Variants in PLXNC1 observed in about 807,000 individuals in gnomAD.
PLXNC1 encodes plexin-C1.
Under a neutral mutation model 178.2 loss-of-function variants are expected in PLXNC1, and 75 were observed. The observed-to-expected ratio is 0.42, with a 90% CI of 0.35 to 0.51. The LOEUF is 0.51. Ranked by LOEUF, PLXNC1 falls within the 20% of genes least tolerant of loss-of-function variation. PLXNC1 has a pLI of 0.02. For synonymous variants in PLXNC1, 790 were observed against 779.9 expected (o/e 1.01, Z -0.22); for missense variants, 1,503 against 1,984.4 (o/e 0.76, Z 4.61).
chr12:94,198,206 A>G (rs919322077), intron 4 of PLXNC1, among the ~76,000 whole-genome samples: 7 of 152,226 alleles, frequency 4.6e-5, no homozygotes, highest in Non-Finnish European at 7.3e-5. Flanking sequence ...AGCAGCCATG[A>G]AAAGGAATGA....
intron 4 of PLXNC1, among the ~76,000 whole-genome samples, chr12:94,206,671 C>T (rs548704502): frequency 9.9e-5 from 15 of 152,228 alleles, no homozygotes; most frequent in African/African-American, 3.4e-4. Context: ...GATAGATCCT[C>T]AGTAGAGGAT....
intron 3 of PLXNC1, among the ~76,000 whole-genome samples, chr12:94,183,909 A>G (rs1962415499): frequency 6.6e-6 from 1 of 152,216 alleles, no homozygotes; most frequent in Non-Finnish European, 1.5e-5. Flanking sequence ...CTGAGCAAAT[A>G]TAACGCCTAA....
chr12:94,297,345 T>C lies in PLXNC1; in HGVS notation c.3996T>C (p.Asp1332=). The part of the protein sequence containing the change: ...LILPDSEAFQ[D]VQGKRHRGKH... ...TACCAGATTCGGAAGCATTCCAAGA[T>C]GTGCAAGGAAAGAGACATCGAGGGA... Residue 1332 remains aspartate (D), a synonymous_variant, in exon 26 of 31, where the codon GAT becomes GAC. Transcript: ENST00000258526. 1 of 1,614,056 alleles carries C rather than the reference T, an allele frequency of 6.2e-7. No individual in the cohort carries two copies. The highest frequency in any genetic ancestry group is 1.7e-5 in the Admixed American group (1 of 60,020).
chr12:94,294,044 T>A (rs1565868997), intron 23 of PLXNC1, among the ~76,000 whole-genome samples: 1 of 152,302 alleles, frequency 6.6e-6, no homozygotes, highest in East Asian at 1.9e-4. Flanking sequence ...AACATAGGAA[T>A]CTGGAGGAGA....
At chr12:94,168,588 A>G (rs1592726878) in intron 1 of PLXNC1, among the ~76,000 whole-genome samples, 1 of 152,030 alleles carries the variant, frequency 6.6e-6, no homozygotes, top group African/African-American at 2.4e-5. Flanking sequence ...GATCCTACCC[A>G]TCGTCCACAA....
intron 9 of PLXNC1, among the ~76,000 whole-genome samples, chr12:94,236,980 T>C (rs1222378809): frequency 1.3e-5 from 2 of 152,210 alleles, no homozygotes; most frequent in Non-Finnish European, 2.9e-5. Flanking sequence ...CTATATGGTA[T>C]GAAGCTAGGT....
chr12:94,186,152 C>T (rs1592744723), intron 3 of PLXNC1: 7 of 443,346 alleles, frequency 1.6e-5, no homozygotes, highest in East Asian at 3.6e-5. Context: ...AGAGTCTCTG[C>T]GGCAGAGGCC....
At chr12:94,171,250 C>T (rs942189418) in intron 2 of PLXNC1, among the ~76,000 whole-genome samples, 3 of 152,248 alleles carry the variant, frequency 2.0e-5, no homozygotes, top group South Asian at 2.1e-4. Flanking sequence ...AGGCCGCAGC[C>T]GACCGAAGTC....
intron 9 of PLXNC1, among the ~76,000 whole-genome samples, chr12:94,227,828 G>C (rs745659068): frequency 6.6e-6 from 1 of 152,218 alleles, no homozygotes; most frequent in Non-Finnish European, 1.5e-5. Context: ...TGTTTGAAAA[G>C]AGGGGACATG....
At chr12:94,254,286 C>G (rs17301517) in intron 15 of PLXNC1, among the ~76,000 whole-genome samples, 1 of 152,204 alleles carries the variant, frequency 6.6e-6, no homozygotes, top group Non-Finnish European at 1.5e-5. Context: ...TTCCTTGTGG[C>G]TCGCTCATCA....
chr12:94,221,735 T>C (rs955177878), intron 6 of PLXNC1, among the ~76,000 whole-genome samples: 3 of 152,208 alleles, frequency 2.0e-5, no homozygotes, highest in African/African-American at 7.2e-5. Context: ...TGTCTGGTAA[T>C]GGCTTGGCCT....
chr12:94,261,550 C>T (rs970354966), intron 20 of PLXNC1, among the ~76,000 whole-genome samples: 4 of 152,178 alleles, frequency 2.6e-5, no homozygotes, highest in African/African-American at 7.2e-5. Context: ...AGGAAGCCTC[C>T]ATAAATGTTG....
At position 94,226,854 on chromosome 12, in the gene PLXNC1, C is replaced by A; in HGVS notation, c.1893+147C>A. On this transcript the variant is annotated intron_variant, in intron 8 of 30. Coordinates refer to ENST00000258526, the MANE Select transcript of PLXNC1 (RefSeq NM_005761.3). ...GCCTGACCAACATGGCAAAACCCTG[C>A]CTCTACTAAAAATACAAAGTTAGTG... The A allele has an allele frequency of 1.6e-5, 10 of 643,444 alleles. No individual in the cohort carries two copies. In the South Asian group the frequency reaches 1.7e-4, roughly 11 times the overall value. The allele number at this position is 643,444 out of a possible 1,614,324, so 39.9% of individuals were successfully genotyped here.
At position 94,184,524 on chromosome 12, in the gene PLXNC1, G is replaced by C. The variant is rs562142829; in HGVS notation, c.1339-1849G>C. 2.9e-3 allele frequency among the ~76,000 whole-genome samples: 435 copies of C among 152,162 alleles called. 2 individuals are homozygous for C. The highest frequency in any genetic ancestry group is 0.01 in the African/African-American group (418 of 41,482). On this transcript the variant is annotated intron_variant, in intron 3 of 30. Coordinates refer to ENST00000258526, the MANE Select transcript of PLXNC1 (RefSeq NM_005761.3). ...TGCAACCTCCACCTCCTGAGTTCAA[G>C]AGATTCTCCTGCCTCAGCCTCCTGA...
Position 94,149,775 on chromosome 12 carries a change from G to A in PLXNC1, c.804G>A (p.Ala268=), listed in dbSNP as rs541325695. 1.9e-6 allele frequency: 3 copies of A among 1,608,372 alleles called. No homozygotes were observed. Among genetic ancestry groups the A allele is most frequent in the Non-Finnish European group, 2.5e-6 (3 of 1,179,078 alleles). The change falls in exon 1 of 31, where the codon GCG becomes GCA. Residue 268 remains alanine, a synonymous_variant. Transcript: ENST00000258526. ...GCTGGCCCAGCATGGCGCGCATCGC[G>A]CAGAGCACCGAGGTGCTGTTCCAGG... ...ATGWPSMARI[A]QSTEVLFQGQ...
intron 15 of PLXNC1, among the ~76,000 whole-genome samples, chr12:94,254,276 T>C (rs1028301982): frequency 1.3e-5 from 2 of 152,012 alleles, no homozygotes; most frequent in African/African-American, 4.8e-5. Flanking sequence ...GGTATGGGAG[T>C]TCCTTGTGGC....
chr12:94,191,337 A>C (rs1962717339), intron 4 of PLXNC1, among the ~76,000 whole-genome samples: 1 of 152,226 alleles, frequency 6.6e-6, no homozygotes, highest in Non-Finnish European at 1.5e-5. Context: ...AGAGCATCCC[A>C]CTGTGTTTAT....
Position 94,237,871 on chromosome 12 carries a change from G to T in PLXNC1, c.2120+68G>T, listed in dbSNP as rs541100179. On this transcript the variant is annotated intron_variant, in intron 10 of 30. Transcript: ENST00000258526. ...TCAAACCTGTGCCAAAGGAATATCA[G>T]TGTGATTATAACCTTAATATAGTCA... The T allele has an allele frequency of 2.0e-6, 3 of 1,525,678 alleles. No individual in the cohort carries two copies. In the African/African-American group the frequency reaches 4.1e-5, roughly 21 times the overall value. The allele number at this position is 1,525,678 out of a possible 1,614,324, so 94.5% of individuals were successfully genotyped here. A position where few individuals can be genotyped will look rare whatever the true frequency, so the allele number is the denominator to read the frequency against.
intron 4 of PLXNC1, among the ~76,000 whole-genome samples, chr12:94,194,075 C>A (rs1418546577): frequency 1.3e-5 from 2 of 152,016 alleles, no homozygotes; most frequent in African/African-American, 4.8e-5. Context: ...AGGAAACTTA[C>A]AATCATGGCA....
Sources: allele counts gnomAD v4.1 joint callset (sites outside exome capture counted in the v4.1 genomes callset), GRCh38; gene constraint gnomAD v4.1.1; transcripts MANE v1.5; gene names NCBI Gene and HGNC (gene_info 2026-07-23, HGNC 2026-07-21).